The following ZNF544 variants were observed in gnomAD, a reference collection of about 807,000 sequenced individuals.
ZNF544 encodes zinc finger protein AF020591.
In ZNF544, 10 loss-of-function variants were observed where a neutral mutation model predicts 13.5. The ratio of observed to expected loss-of-function variants is 0.74; its 90% confidence interval spans 0.46 to 1.25. The LOEUF (loss-of-function observed/expected upper bound fraction) is 1.25. Ranked by LOEUF, ZNF544 falls within the 50% of genes most tolerant of loss-of-function variation. ZNF544 has a pLI of 0.00. For synonymous variants in ZNF544, 323 were observed against 300.5 expected (o/e 1.07, Z -0.77); for missense variants, 896 against 845.6 (o/e 1.06, Z -0.74).
intron 5 of ZNF544, among the ~76,000 whole-genome samples, chr19:58,274,535 C>T (rs1460189901): frequency 6.6e-6 from 1 of 152,102 alleles, no homozygotes; most frequent in African/African-American, 2.4e-5. Context: ...CCAACTATGC[C>T]AACACTTTGA....
At chr19:58,235,615 A>C (rs1435292666) in intron 3 of ZNF544, among the ~76,000 whole-genome samples, 1 of 152,234 alleles carries the variant, frequency 6.6e-6, no homozygotes, top group African/African-American at 2.4e-5. Flanking sequence ...TATTCCCACC[A>C]CAAAAAAGTA....
chr19:58,267,720 C>T (rs546729915), downstream of ZNF544: 332 of 138,408 alleles, frequency 2.4e-3, 3 homozygotes, highest in Non-Finnish European at 3.5e-3. Context: ...CGGTGGCTCA[C>T]GCCTGTAATC....
At position 58,244,220 on chromosome 19, in the gene ZNF544, G is replaced by A. The variant is rs143205381; in HGVS notation, c.33+164G>A. ...CTCCCTGCAGTAAAGCGCGGCACCC[G>A]TCACCAGCATGGACGAGCCTAGAGC... On this transcript the variant is annotated intron_variant, in intron 4 of 6. Transcript: ENST00000687789. Among the ~76,000 whole-genome samples, 30 of 152,044 alleles carry A rather than the reference G, an allele frequency of 2.0e-4. No homozygotes were observed. In the East Asian group the frequency reaches 3.7e-3, roughly 19 times the overall value.
At chr19:58,259,521 C>G (rs1025417843) in intron 6 of ZNF544, 2 of 152,196 alleles carry the variant, frequency 1.3e-5, no homozygotes, top group Admixed American at 6.5e-5. Flanking sequence ...GTCACTGGAT[C>G]AAAATCAAGG....
Position 58,262,129 on chromosome 19 carries a change from T to G in ZNF544, c.1523T>G (p.Val508Gly). The G allele has an allele frequency of 6.2e-7, 1 of 1,613,120 alleles. No individual in the cohort carries two copies. Among genetic ancestry groups the G allele is most frequent in the East Asian group, 2.2e-5 (1 of 44,822 alleles). The change falls in exon 7 of 7, where the codon GTT becomes GGT. Residue 508 changes from valine to glycine, a missense_variant. Val to Gly is a moderately radical substitution (Grantham distance 109, BLOSUM62 -3). Coordinates refer to ENST00000687789, the MANE Select transcript of ZNF544 (RefSeq NM_014480.4). ...TCTTTCAGCCAGAAGTATGACCTTG[T>G]TGTACATCAGAGGACACACACTGGA... is the stretch of plus-strand genomic sequence containing the variant. ...GKSFSQKYDL[V>G]VHQRTHTGEK...
At chr19:58,246,949 A>G (rs1286825835) in intron 6 of ZNF544, 155 bp downstream of exon 6, 1 of 601,042 alleles carries the variant, frequency 1.7e-6, no homozygotes, top group African/African-American at 1.8e-5. Flanking sequence ...GAGTTCACCA[A>G]TTCGAAGTAT....
In ZNF544 at chr19:58,262,749, C is replaced by A. The variant is rs755072794; in HGVS notation, c.2143C>A (p.Pro715Thr). The change falls in exon 7 of 7, where the codon CCT (proline) becomes ACT (threonine). Residue 715 changes from proline (P) to threonine (T), a missense_variant. Physicochemically the swap from Pro to Thr is conservative, Grantham distance 38. Coordinates refer to ENST00000687789, the MANE Select transcript of ZNF544 (RefSeq NM_014480.4). ...TCGGCGGACACATACTGGAGAGAAA[C>A]CTTAGGAGTGCAGTCATTGTGGGAA... is the stretch of plus-strand genomic sequence containing the variant. ...VHRRTHTGEK[P>T] 5.0e-6 allele frequency: 8 copies of A among 1,591,428 alleles called. No homozygotes were observed. The highest frequency in any genetic ancestry group is 6.9e-6 in the Non-Finnish European group (8 of 1,166,720).
chr19:58,262,361 C>G lies in ZNF544; in HGVS notation c.1755C>G (p.Phe585Leu), dbSNP rs755488196. ...PYDCTHCGKS[F>L]SQSYQLVAHK... Reference sequence around the variant, plus strand: ...ATTGCACTCACTGTGGAAAGTCCTTCAGCCAAAGCTATCAGTTAGTTGCAC... The same window carrying G: ...ATTGCACTCACTGTGGAAAGTCCTTGAGCCAAAGCTATCAGTTAGTTGCAC... The change falls in exon 7 of 7, where the codon TTC (phenylalanine) becomes TTG (leucine). Residue 585 changes from phenylalanine to leucine, a missense_variant. Coordinates refer to ENST00000687789, the MANE Select transcript of ZNF544 (RefSeq NM_014480.4). 6 of 1,613,888 alleles carry G rather than the reference C, an allele frequency of 3.7e-6. No individual in the cohort carries two copies. The highest frequency in any genetic ancestry group is 1.3e-5 in the African/African-American group (1 of 74,894).
intron 5 of ZNF544, among the ~76,000 whole-genome samples, chr19:58,273,689 CAA>C (rs919160966): frequency 4.3e-4 from 26 of 60,364 alleles, no homozygotes; most frequent in Admixed American, 5.6e-4. Context: ...GACTCTGTCT[CAA>C]AAAAAAAAAA....
Position 58,260,921 on chromosome 19 carries a change from C to T in ZNF544, c.315C>T (p.His105=). ...ATCGAGCTAGGGAAGAACTATCCCA[C>T]CACGTGGAAGTGTACAGGAGTGGAC... ...EKDRAREELS[H]HVEVYRSGPE... is the part of the protein sequence containing the mutation. The change falls in exon 7 of 7, where the codon CAC becomes CAT. Residue 105 remains histidine, a synonymous_variant. Coordinates refer to ENST00000687789, the MANE Select transcript of ZNF544 (RefSeq NM_014480.4). 1 of 1,613,968 alleles carries T rather than the reference C, an allele frequency of 6.2e-7. No individual in the cohort carries two copies. The highest frequency in any genetic ancestry group is 8.5e-7 in the Non-Finnish European group (1 of 1,179,992).
At chr19:58,239,515 G>A (rs1257058336) in intron 3 of ZNF544, among the ~76,000 whole-genome samples, 1 of 152,196 alleles carries the variant, frequency 6.6e-6, no homozygotes, top group Non-Finnish European at 1.5e-5. Context: ...GCGGGTCCTT[G>A]AGACCATTCT....
At chr19:58,271,215 GAAAA>G (rs78260094) in intron 5 of ZNF544, among the ~76,000 whole-genome samples, 1 of 116,938 alleles carries the variant, frequency 8.6e-6, no homozygotes, top group Non-Finnish European at 1.8e-5. Flanking sequence ...CCGTCTCCAG[GAAAA>G]AAAAAAAAAA....
At chr19:58,236,869 G>A (rs1216186325) in intron 3 of ZNF544, among the ~76,000 whole-genome samples, 2 of 151,214 alleles carry the variant, frequency 1.3e-5, no homozygotes, top group African/African-American at 4.9e-5. Context: ...AGCCTCCCAA[G>A]TAGCTGAGAC....
chr19:58,262,446 A>G lies in ZNF544; in HGVS notation c.1840A>G (p.Asn614Asp). 6.2e-7 allele frequency: 1 copy of G among 1,614,230 alleles called. No homozygotes were observed. Among genetic ancestry groups the G allele is most frequent in the Non-Finnish European group, 8.5e-7 (1 of 1,180,032 alleles). The change falls in exon 7 of 7, where the codon AAT becomes GAT. Residue 614 changes from asparagine (N) to aspartate (D), a missense_variant. Physicochemically the swap from Asn to Asp is conservative, Grantham distance 23. Coordinates refer to ENST00000687789, the MANE Select transcript of ZNF544 (RefSeq NM_014480.4). ...ATGTAACGAGTGTGGAAAAGCCTTC[A>G]ATCGAAGCACTCAGCTCATCAGGCA... ...YECNECGKAF[N>D]RSTQLIRHLQ...
chr19:58,274,904 A>C (rs2051099353), intron 5 of ZNF544, among the ~76,000 whole-genome samples: 1 of 151,982 alleles, frequency 6.6e-6, no homozygotes, highest in Non-Finnish European at 1.5e-5. Flanking sequence ...GAATGGAAAA[A>C]CCCAAACGAC....
At chr19:58,247,872 T>G (rs1403967004) in intron 6 of ZNF544, among the ~76,000 whole-genome samples, 1 of 152,134 alleles carries the variant, frequency 6.6e-6, no homozygotes, top group African/African-American at 2.4e-5. Flanking sequence ...ACAACTTGGA[T>G]TTGTATTGTA....
rs117022330 is a variant in ZNF544 at position 58,276,250 on chromosome 19, C to T, written c.245-73C>T. 2.2e-3 allele frequency: 1,613 copies of T among 717,774 alleles called. 1 individual carries two copies. The highest frequency in any genetic ancestry group is 1.9e-3 in the Non-Finnish European group (1,003 of 519,186). The allele number at this position is 717,774 out of a possible 1,614,324, so 44.5% of individuals were successfully genotyped here. ...AGAATAGATCTTTGCACACCTGCCC[C>T]TACCTCTCCAACACTGGTGGCCACT... On this transcript the variant is annotated intron_variant, in intron 5 of 6. Coordinates refer to the ZNF544 transcript ENST00000595981.
At chr19:58,277,411 CCCCA>C in exon 7 of ZNF544, 1 of 445,518 alleles carries the variant, frequency 2.2e-6, no homozygotes, top group Non-Finnish European at 3.7e-6. Context: ...ACACCATCAG[CCCCA>C]TGGGGGTGAG....
chr19:58,267,423 G>A (rs945475591), downstream of ZNF544, among the ~76,000 whole-genome samples: 30 of 152,036 alleles, frequency 2.0e-4, no homozygotes, highest in African/African-American at 5.8e-4. Context: ...TTACAAGGCC[G>A]GGTGTGGTGG....
Sources: allele counts gnomAD v4.1 joint callset (sites outside exome capture counted in the v4.1 genomes callset), GRCh38; gene constraint gnomAD v4.1.1; transcripts MANE v1.5; gene names NCBI Gene and HGNC (gene_info 2026-07-23, HGNC 2026-07-21).